Variants in EPB41L4B observed in about 807,000 individuals in gnomAD.
The protein encoded by EPB41L4B is band 4.1-like protein 4B.
In EPB41L4B, 30 loss-of-function variants were observed where a neutral mutation model predicts 112.5. The ratio of observed to expected loss-of-function variants is 0.27; its 90% CI spans 0.20 to 0.36. The LOEUF (loss-of-function observed/expected upper bound fraction) is 0.36. EPB41L4B is among the 10% of genes least tolerant of loss of function. The probability of loss-of-function intolerance (pLI) is 1.00; values close to 1 mark genes in which losing one functional copy is unlikely to be tolerated. For missense variants in EPB41L4B, 1,024 were observed against 1,133.3 expected, an observed-to-expected ratio of 0.90 and a Z score of 1.38; for synonymous variants, 408 against 439.7, an observed-to-expected ratio of 0.93 and a Z score of 0.90.
At chr9:109,188,595 C>T (rs1436259634) in intron 22 of EPB41L4B, among the ~76,000 whole-genome samples, 1 of 152,154 alleles carries the variant, frequency 6.6e-6, no homozygotes, top group Non-Finnish European at 1.5e-5. Flanking sequence ...AAGGGGTACC[C>T]TAATTTAATT....
chr9:109,287,512 A>T (rs544148911), intron 1 of EPB41L4B, among the ~76,000 whole-genome samples: 3 of 152,374 alleles, frequency 2.0e-5, no homozygotes, highest in Admixed American at 6.5e-5. Flanking sequence ...TCAGATGTAT[A>T]CATCCTACTT....
At position 109,203,647 on chromosome 9, in the gene EPB41L4B, AC is replaced by A. The variant is rs746506050; in HGVS notation, c.1946+15del. On this transcript the variant is annotated intron_variant, in intron 19 of 25. Coordinates refer to ENST00000374566, the MANE Select transcript of EPB41L4B (RefSeq NM_019114.5). ...CAGAGAATATCATTTCCCCATTCAG[AC>A]AAGGAGCAACAGACCTTACACTAGC... 2.5e-6 allele frequency: 4 copies of A among 1,597,684 alleles called. No individual in the cohort carries two copies. Among genetic ancestry groups the A allele is most frequent in the Admixed American group, 1.7e-5 (1 of 59,968 alleles).
intron 15 of EPB41L4B, among the ~76,000 whole-genome samples, chr9:109,243,402 T>C (rs1373385602): frequency 1.3e-5 from 2 of 152,082 alleles, no homozygotes; most frequent in African/African-American, 4.8e-5. Flanking sequence ...TTTTAAAAAA[T>C]CAATTCATTT....
rs1483232491 is a variant in EPB41L4B, at chr9:109,320,200, C to T, written c.247G>A (p.Ala83Thr). ...AGGAAGACGCGGCAGTAGAGGGTGG[C>T]CTTGGCGGCGCCGGCGGCGGAGATG... The part of the protein sequence containing the change: ...VHISAAGAAK[A>T]TLYCRVFLLD... Residue 83 changes from alanine (A) to threonine (T), a missense_variant, in exon 1 of 26, where the codon GCC becomes ACC. Ala to Thr is a moderately conservative substitution (Grantham distance 58). Transcript: ENST00000374566. The T allele has an allele frequency of 6.9e-7, 1 of 1,445,664 alleles. No homozygotes were observed. The highest frequency in any genetic ancestry group is 1.4e-5 in the South Asian group (1 of 69,714). The allele number at this position is 1,445,664 out of a possible 1,614,324, so 89.6% of individuals were successfully genotyped here. A position where few individuals can be genotyped will look rare whatever the true frequency, so the allele number is the denominator to read the frequency against.
intron 1 of EPB41L4B, among the ~76,000 whole-genome samples, chr9:109,297,942 G>A (rs577872379): frequency 1.1e-4 from 16 of 152,340 alleles, no homozygotes; most frequent in African/African-American, 3.1e-4. Flanking sequence ...TTGGCTGTTA[G>A]GGTCATAAAA....
At chr9:109,281,488 A>C (rs965681326) in intron 1 of EPB41L4B, among the ~76,000 whole-genome samples, 3 of 152,136 alleles carry the variant, frequency 2.0e-5, no homozygotes, top group African/African-American at 7.2e-5. Context: ...AGATCACTTG[A>C]GATCAGGAGT....
chr9:109,241,455 T>C, intron 15 of EPB41L4B: 1 of 1,333,842 alleles, frequency 7.5e-7, no homozygotes, highest in African/African-American at 1.5e-5. Flanking sequence ...GCCTTTACCT[T>C]CATTTTAATG....
At chr9:109,209,463 C>T (rs140669456) in intron 17 of EPB41L4B, among the ~76,000 whole-genome samples, 2,686 of 151,672 alleles carry the variant, frequency 0.018, 81 homozygotes, top group African/African-American at 0.063. Context: ...GAGTTGGAGA[C>T]CAGCCTGGGA....
chr9:109,262,757 A>G (rs1468965165), intron 6 of EPB41L4B, among the ~76,000 whole-genome samples: 1 of 152,162 alleles, frequency 6.6e-6, no homozygotes, highest in African/African-American at 2.4e-5. Flanking sequence ...AACTGCTGCT[A>G]ACCTCTCTGC....
chr9:109,178,902 T>TATAAAAAAAAA (rs1831945544), intron 24 of EPB41L4B, among the ~76,000 whole-genome samples: 1 of 105,140 alleles, frequency 9.5e-6, no homozygotes, highest in East Asian at 3.0e-4. Flanking sequence ...ATACTTCAAG[T>TATAAAAAAAAA]AAAAAAAAAA....
intron 14 of EPB41L4B, among the ~76,000 whole-genome samples, chr9:109,247,424 T>C (rs1243082483): frequency 6.6e-6 from 1 of 152,028 alleles, no homozygotes; most frequent in Non-Finnish European, 1.5e-5. Context: ...TAAAACACAC[T>C]TTGACCAAAA....
At chr9:109,303,695 G>A (rs1345729415) in intron 1 of EPB41L4B, among the ~76,000 whole-genome samples, 1 of 150,970 alleles carries the variant, frequency 6.6e-6, no homozygotes, top group African/African-American at 2.4e-5. Flanking sequence ...GTGGAGAAGG[G>A]GTCTCTTGCA....
Position 109,173,373 on chromosome 9 carries a change from G to A in EPB41L4B, c.*1181C>T, listed in dbSNP as rs1055266474. The stretch of plus-strand genomic sequence containing the variant: ...CTCTTTGACCTTGTAATCCCTCTTT[G>A]GAGATATTCCTAAGGGAATAATCCA... On this transcript the variant is annotated 3_prime_UTR_variant, in exon 26 of 26. Coordinates refer to ENST00000374566, the MANE Select transcript of EPB41L4B (RefSeq NM_019114.5). 6.6e-6 allele frequency: 1 copy of A among 151,838 alleles called. No homozygotes were observed. The highest frequency in any genetic ancestry group is 2.4e-5 in the African/African-American group (1 of 41,194). 9.4% of individuals were successfully genotyped at this position (151,838 alleles called of 1,614,324 possible). A position where few individuals can be genotyped will look rare whatever the true frequency, so the allele number is the denominator to read the frequency against.
chr9:109,246,873 G>C (rs556254505), intron 14 of EPB41L4B, among the ~76,000 whole-genome samples: 30 of 152,364 alleles, frequency 2.0e-4, no homozygotes, highest in Admixed American at 2.0e-3. Flanking sequence ...ACCTAGCACA[G>C]TGCTTTACAA....
chr9:109,319,684 G>C (rs1422266431), intron 1 of EPB41L4B, among the ~76,000 whole-genome samples: 1 of 152,250 alleles, frequency 6.6e-6, no homozygotes, highest in Admixed American at 6.5e-5. Flanking sequence ...GCCTGATGGC[G>C]AGTTTGAGGG....
intron 15 of EPB41L4B, among the ~76,000 whole-genome samples, chr9:109,219,887 A>T (rs1326687299): frequency 1.3e-5 from 2 of 152,058 alleles, no homozygotes; most frequent in African/African-American, 4.8e-5. Context: ...GGATGATGGA[A>T]GTTAGGGCTC....
intron 1 of EPB41L4B, among the ~76,000 whole-genome samples, chr9:109,284,763 T>G (rs1836206643): frequency 1.3e-5 from 2 of 152,196 alleles, no homozygotes; most frequent in African/African-American, 4.8e-5. Context: ...AAATACAATT[T>G]CTTAAAAATC....
intron 18 of EPB41L4B, among the ~76,000 whole-genome samples, chr9:109,205,934 T>A (rs986014054): frequency 1.3e-5 from 2 of 152,204 alleles, no homozygotes; most frequent in Non-Finnish European, 2.9e-5. Flanking sequence ...TTCTACATCT[T>A]ACTGCCTCCT....
At chr9:109,214,378 T>C (rs762318214) in intron 16 of EPB41L4B, among the ~76,000 whole-genome samples, 10 of 152,224 alleles carry the variant, frequency 6.6e-5, no homozygotes, top group Non-Finnish European at 1.5e-4. Flanking sequence ...TATTAAAACT[T>C]GTGCCAAGTA....
Sources: allele counts gnomAD v4.1 joint callset (sites outside exome capture counted in the v4.1 genomes callset), GRCh38; gene constraint gnomAD v4.1.1; transcripts MANE v1.5; gene names NCBI Gene and HGNC (gene_info 2026-07-23, HGNC 2026-07-21).